NEK7: variants seen among roughly 807,000 people sequenced by gnomAD.
NEK7 encodes the protein NIMA related kinase 7.
NEK7 carries 18 observed loss-of-function variants against 44.6 expected under a neutral mutation model. The ratio of observed to expected loss-of-function variants is 0.40; its 90% CI spans 0.28 to 0.60. The LOEUF (loss-of-function observed/expected upper bound fraction) is 0.60, where lower values mean the gene tolerates loss of function less well. Among genes scored for constraint, NEK7 ranks in the 20% least tolerant of loss-of-function variants. NEK7 has a pLI of 0.38. For synonymous variants in NEK7, 130 were observed against 121.1 expected (o/e 1.07, Z -0.48); for missense variants, 256 against 366.5 (o/e 0.70, Z 2.46).
Position 198,262,613 on chromosome 1 carries a change from C to T in NEK7, c.237C>T (p.Cys79=). Residue 79 remains cysteine (C), a synonymous_variant, in exon 4 of 10, where the codon TGC becomes TGT. Coordinates refer to ENST00000367385, the MANE Select transcript of NEK7 (RefSeq NM_133494.3). ...TGGATGCCAAAGCACGTGCTGATTG[C>T]ATCAAAGAAATAGATCTTCTTAAGG... ...DLMDAKARAD[C]IKEIDLLKQL... is the part of the protein sequence containing the mutation. 1 of 1,594,570 alleles carries T rather than the reference C, an allele frequency of 6.3e-7. No homozygotes were observed. Among genetic ancestry groups the T allele is most frequent in the Non-Finnish European group, 8.6e-7 (1 of 1,166,922 alleles).
Position 198,309,372 on chromosome 1 carries a change from C to A in NEK7, c.799-10040C>A, listed in dbSNP as rs147004442. On this transcript the variant is annotated intron_variant, in intron 9 of 9. Transcript: ENST00000367385. ...GAAGGAGTTTGGGGCTAAATAGGAG[C>A]CTGGAAAGGGAAGCAGGAGACTGAT... is the stretch of plus-strand genomic sequence containing the variant. Among the ~76,000 whole-genome samples, 355 of 152,040 alleles carry A rather than the reference C, an allele frequency of 2.3e-3. No homozygotes were observed. The Middle Eastern group carries it at 0.024, about 10-fold the overall frequency.
Position 198,214,479 on chromosome 1 carries a change from T to A in NEK7, c.-28-18074T>A, listed in dbSNP as rs146095068. Among the ~76,000 whole-genome samples, 116 of 152,272 alleles carry A rather than the reference T, an allele frequency of 7.6e-4. 1 individual carries two copies. In the East Asian group the frequency reaches 0.015, roughly 20 times the overall value. On this transcript the variant is annotated intron_variant, in intron 1 of 9. Coordinates refer to ENST00000367385, the MANE Select transcript of NEK7 (RefSeq NM_133494.3). ...TGTTCTAAAGAGATGGATATTTTAATGAAAAATCAATCAGAACTTCTGGAA... is the reference window on the plus strand; with the variant it reads ...TGTTCTAAAGAGATGGATATTTTAAAGAAAAATCAATCAGAACTTCTGGAA...
chr1:198,204,157 G>A (rs1002430249), intron 1 of NEK7, among the ~76,000 whole-genome samples: 2 of 152,298 alleles, frequency 1.3e-5, no homozygotes, highest in East Asian at 3.9e-4. Flanking sequence ...CTACCCGGGA[G>A]GCTGGAGCGG....
chr1:198,266,501 T>A (rs886931196), intron 5 of NEK7, among the ~76,000 whole-genome samples: 6 of 152,056 alleles, frequency 3.9e-5, no homozygotes, highest in South Asian at 4.1e-4. Flanking sequence ...ACTATATACC[T>A]GCAGTTGTAA....
At chr1:198,252,327 G>A (rs968692448) in intron 2 of NEK7, among the ~76,000 whole-genome samples, 3 of 151,410 alleles carry the variant, frequency 2.0e-5, no homozygotes, top group African/African-American at 7.3e-5. Flanking sequence ...GGTGTGGTGT[G>A]GTGCTGAAAA....
intron 1 of NEK7, among the ~76,000 whole-genome samples, chr1:198,197,275 G>C (rs1665267807): frequency 1.3e-5 from 2 of 152,086 alleles, no homozygotes; most frequent in Admixed American, 6.5e-5. Flanking sequence ...AATAGTTTTT[G>C]ACTGGTGTGG....
intron 8 of NEK7, 70 bp downstream of exon 8, chr1:198,293,109 A>G (rs900954094): frequency 6.5e-6 from 5 of 768,366 alleles, no homozygotes; most frequent in African/African-American, 5.3e-5. Flanking sequence ...TCCTTATAGT[A>G]TATACTTACT....
chr1:198,263,993 A>G (rs1653566906), intron 4 of NEK7, 132 bp from the exon 5 acceptor site: 5 of 821,944 alleles, frequency 6.1e-6, no homozygotes, highest in Non-Finnish European at 1.7e-6. Flanking sequence ...TCACTAAAGA[A>G]AAGTATACTG....
In NEK7 at chr1:198,311,026, GA is replaced by G. The variant is rs1177712403; in HGVS notation, c.799-8385del. 7.4e-5 allele frequency among the ~76,000 whole-genome samples: 11 copies of G among 148,928 alleles called. No individual in the cohort carries two copies. The East Asian group carries it at 2.2e-3, about 30-fold the overall frequency. On this transcript the variant is annotated intron_variant, in intron 9 of 9. Transcript: ENST00000367385. ...GGCATTGAATCTATAAATTACCTTGGACAGTATGGCCATTTTCACGATATTG... is the reference window on the plus strand; with the variant it reads ...GGCATTGAATCTATAAATTACCTTGGCAGTATGGCCATTTTCACGATATTG...
chr1:198,220,327 G>T (rs1480218960), intron 1 of NEK7, among the ~76,000 whole-genome samples: 1 of 151,886 alleles, frequency 6.6e-6, no homozygotes, highest in Non-Finnish European at 1.5e-5. Flanking sequence ...TTCTCAGCCT[G>T]AGTCCTAGAA....
chr1:198,198,227 T>C, intron 1 of NEK7: 1 of 637,894 alleles, frequency 1.6e-6, no homozygotes, highest in Non-Finnish European at 2.9e-6. Context: ...CCGCCTGGGC[T>C]TGATGCATTC....
At chr1:198,210,315 GC>G (rs1455186842) in intron 1 of NEK7, among the ~76,000 whole-genome samples, 1 of 152,054 alleles carries the variant, frequency 6.6e-6, no homozygotes, top group Non-Finnish European at 1.5e-5. Context: ...TGAACTCCTG[GC>G]CCCCCAAGTT....
intron 1 of NEK7, among the ~76,000 whole-genome samples, chr1:198,215,974 C>T (rs1252614418): frequency 1.3e-5 from 2 of 152,034 alleles, no homozygotes; most frequent in African/African-American, 4.8e-5. Context: ...TTTAACACTC[C>T]ACTGACAGTG....
At position 198,317,887 on chromosome 1, in the gene NEK7, T is replaced by TTG. The variant is rs1558109606; in HGVS notation, c.799-1524_799-1523insGT. Among the ~76,000 whole-genome samples the TTG allele has an allele frequency of 4.1e-5, 6 of 144,824 alleles. 1 individual carries two copies. The highest frequency in any genetic ancestry group is 2.0e-4 in the East Asian group (1 of 5,078). ...TTACTGGATATATTTATTTTTTTTTTTTTTTTTTTTTTTGGTAACCTGGTA... is the reference window on the plus strand; with the variant it reads ...TTACTGGATATATTTATTTTTTTTTTTGTTTTTTTTTTTTTGGTAACCTGGTA... On this transcript the variant is annotated intron_variant, in intron 9 of 9. Coordinates refer to ENST00000367385, the MANE Select transcript of NEK7 (RefSeq NM_133494.3).
At chr1:198,209,387 A>G (rs115689004) in intron 1 of NEK7, among the ~76,000 whole-genome samples, 108 of 152,286 alleles carry the variant, frequency 7.1e-4, no homozygotes, top group Non-Finnish European at 1.2e-3. Flanking sequence ...TTTATTTACT[A>G]TATGTTTATC....
At chr1:198,213,082 T>G (rs981927215) in intron 1 of NEK7, among the ~76,000 whole-genome samples, 1 of 152,188 alleles carries the variant, frequency 6.6e-6, no homozygotes, top group African/African-American at 2.4e-5. Context: ...GCTGGGAGAC[T>G]AGAGGACAGG....
intron 2 of NEK7, among the ~76,000 whole-genome samples, chr1:198,244,706 A>G (rs944588060): frequency 3.3e-5 from 5 of 152,190 alleles, no homozygotes; most frequent in African/African-American, 1.2e-4. Flanking sequence ...GTAGATAATT[A>G]TAGTCATGCC....
At chr1:198,216,534 G>A (rs531653713) in intron 1 of NEK7, among the ~76,000 whole-genome samples, 2 of 151,814 alleles carry the variant, frequency 1.3e-5, no homozygotes, top group African/African-American at 4.8e-5. Context: ...AGAGAGACAA[G>A]AACAAACCAA....
intron 1 of NEK7, among the ~76,000 whole-genome samples, chr1:198,179,474 A>G (rs1396624133): frequency 1.3e-5 from 2 of 152,098 alleles, no homozygotes; most frequent in African/African-American, 4.8e-5. Flanking sequence ...GAGAATTCAT[A>G]CAGATTCTTG....
Sources: allele counts gnomAD v4.1 joint callset (sites outside exome capture counted in the v4.1 genomes callset), GRCh38; gene constraint gnomAD v4.1.1; transcripts MANE v1.5; gene names NCBI Gene and HGNC (gene_info 2026-07-23, HGNC 2026-07-21).